The following DMD variants were observed in gnomAD, a reference collection of about 807,000 sequenced individuals.
DMD encodes dystrophin, also known as mutant dystrophin.
In DMD, 63 loss-of-function variants were observed where a neutral mutation model predicts 330.1. The observed-to-expected ratio is 0.19, with a 90% CI of 0.16 to 0.24. DMD has a LOEUF of 0.24. Among genes scored for constraint, DMD ranks in the 10% least tolerant of loss-of-function variants. The probability of loss-of-function intolerance (pLI) is 1.00; values close to 1 mark genes in which losing one functional copy is unlikely to be tolerated. For synonymous variants in DMD, 1,223 were observed against 959.8 expected, an observed-to-expected ratio of 1.27 and a Z score of -5.07; for missense variants, 3,344 against 2,684.1, an observed-to-expected ratio of 1.25 and a Z score of -5.43.
chrX:33,036,864 G>A (rs2094213220), intron 1 of DMD, among the ~76,000 whole-genome samples: 1 of 110,078 alleles, frequency 9.1e-6, no homozygotes, highest in Non-Finnish European at 1.9e-5. Flanking sequence ...TGTATTTAAA[G>A]AATTTAGACT....
At chrX:32,706,819 G>A (rs965083626) in intron 7 of DMD, among the ~76,000 whole-genome samples, 39 of 111,781 alleles carry the variant, frequency 3.5e-4, no homozygotes, top group African/African-American at 1.3e-3. Flanking sequence ...GGCTGGGCAT[G>A]GTGGCTCATG....
At position 32,823,325 on chromosome X, in the gene DMD, A is replaced by T; in HGVS notation, c.327T>A (p.Gly109=). 1 of 1,209,585 alleles carries T rather than the reference A, an allele frequency of 8.3e-7. No individual in the cohort carries two copies. Among genetic ancestry groups the T allele is most frequent in the Non-Finnish European group, 1.1e-6 (1 of 893,713 alleles). ...AGTGGAGGATTATATTCCAAATCAA[A>T]CCAAGAGTCAGTTTATGATTTCCAT... The part of the protein sequence containing the change: ...IVDGNHKLTL[G]LIWNIILHWQ... The change falls in exon 5 of 79, where the codon GGT becomes GGA. Residue 109 remains glycine (G), a synonymous_variant. Transcript: ENST00000357033.
At chrX:32,832,529 G>A (rs2079236346) in intron 4 of DMD, among the ~76,000 whole-genome samples, 1 of 110,528 alleles carries the variant, frequency 9.0e-6, no homozygotes, top group Non-Finnish European at 1.9e-5. Flanking sequence ...CATGTTAAAT[G>A]TCTTTTATAA....
Position 32,636,995 on chromosome X carries a change from C to CA in DMD, c.1331+7136dup, listed in dbSNP as rs374402951. 8.0e-3 allele frequency among the ~76,000 whole-genome samples: 764 copies of CA among 95,706 alleles called. 6 individuals carry two copies. Among genetic ancestry groups the CA allele is most frequent in the African/African-American group, 0.022 (573 of 25,956 alleles). The allele number at this position is 95,706 out of a possible 115,157, so 83.1% of individuals were successfully genotyped here. ...CCTGGGAGACAGGGAGACTCTGTCTCAAAAAAAAAAGAAAAAGAAAAAGAA... is the reference window on the plus strand; with the variant it reads ...CCTGGGAGACAGGGAGACTCTGTCTCAAAAAAAAAAAGAAAAAGAAAAAGAA... On this transcript the variant is annotated intron_variant, in intron 11 of 78. Transcript: ENST00000357033.
intron 59 of DMD, among the ~76,000 whole-genome samples, chrX:31,476,416 TATATACACAC>T (rs2067778694): frequency 2.0e-5 from 2 of 98,789 alleles, no homozygotes; most frequent in African/African-American, 7.5e-5. Flanking sequence ...TATATATATA[TATATACACAC>T]ACACACACAC....
intron 52 of DMD, among the ~76,000 whole-genome samples, chrX:31,691,988 C>T (rs1433702794): frequency 8.9e-6 from 1 of 111,734 alleles, no homozygotes; most frequent in Admixed American, 9.5e-5. Context: ...TTCTCAAGTA[C>T]ACATGTAACA....
At chrX:31,220,232 C>G (rs2045862193) in intron 64 of DMD, among the ~76,000 whole-genome samples, 3 of 111,590 alleles carry the variant, frequency 2.7e-5, no homozygotes, top group African/African-American at 9.8e-5. Flanking sequence ...CCATTAACTC[C>G]TCAGCCCCCT....
chrX:31,359,891 T>G (rs1388153627), intron 60 of DMD, among the ~76,000 whole-genome samples: 3 of 112,262 alleles, frequency 2.7e-5, no homozygotes, highest in Non-Finnish European at 3.8e-5. Context: ...CTCATTTTTC[T>G]GATAACTGCA....
intron 1 of DMD, among the ~76,000 whole-genome samples, chrX:33,049,953 T>C (rs1362937043): frequency 8.9e-6 from 1 of 111,832 alleles, no homozygotes; most frequent in African/African-American, 3.2e-5. Context: ...TATTCGTCTT[T>C]AGAATATTCC....
chrX:31,448,623 C>CTTTTTGCACCTGA (rs1178678527), intron 59 of DMD, among the ~76,000 whole-genome samples: 3 of 112,309 alleles, frequency 2.7e-5, no homozygotes, highest in Admixed American at 1.9e-4. Flanking sequence ...ATACGAGGTG[C>CTTTTTGCACCTGA]TATTTAAGTG....
At chrX:31,699,905 C>T (rs921041393) in intron 52 of DMD, among the ~76,000 whole-genome samples, 4 of 111,232 alleles carry the variant, frequency 3.6e-5, no homozygotes, top group Admixed American at 1.9e-4. Context: ...AATGTTCTCT[C>T]GGCTGGGCAC....
chrX:32,003,311 G>T (rs1210626166), intron 44 of DMD, among the ~76,000 whole-genome samples: 1 of 111,716 alleles, frequency 9.0e-6, no homozygotes, highest in Non-Finnish European at 1.9e-5. Context: ...AGCAATTTTA[G>T]CACCCTAGGC....
intron 44 of DMD, among the ~76,000 whole-genome samples, chrX:31,988,724 A>G (rs1366837016): frequency 9.1e-6 from 1 of 110,221 alleles, no homozygotes; most frequent in Non-Finnish European, 1.9e-5. Context: ...AACCAGTGAT[A>G]TTTAGAGAAA....
intron 4 of DMD, among the ~76,000 whole-genome samples, chrX:32,836,648 C>CA (rs1217609319): frequency 9.0e-6 from 1 of 111,429 alleles, no homozygotes; most frequent in Non-Finnish European, 1.9e-5. Context: ...GACAAAAATT[C>CA]AAACTCTCAG....
At chrX:32,326,280 C>A (rs2097650173) in intron 41 of DMD, among the ~76,000 whole-genome samples, 1 of 111,821 alleles carries the variant, frequency 8.9e-6, no homozygotes, top group African/African-American at 3.2e-5. Flanking sequence ...AAAAAGCAGG[C>A]AGTTAAAAAA....
chrX:32,608,192 A>G (rs887414257), intron 12 of DMD, among the ~76,000 whole-genome samples: 1 of 109,884 alleles, frequency 9.1e-6, no homozygotes, highest in African/African-American at 3.3e-5. Flanking sequence ...ATGGGCATGG[A>G]TTTTATATTA....
chrX:32,913,493 C>T (rs1367561441), intron 2 of DMD, among the ~76,000 whole-genome samples: 1 of 111,956 alleles, frequency 8.9e-6, no homozygotes, highest in Non-Finnish European at 1.9e-5. Context: ...CCACATGATA[C>T]CAGGTATGAA....
intron 15 of DMD, among the ~76,000 whole-genome samples, chrX:32,572,055 T>A (rs1462385512): frequency 1.8e-5 from 2 of 112,032 alleles, no homozygotes; most frequent in Non-Finnish European, 3.8e-5. Flanking sequence ...TGCACTCGTG[T>A]TTTCAAACAT....
At chrX:32,112,524 C>A (rs772154970) in intron 44 of DMD, among the ~76,000 whole-genome samples, 1 of 110,824 alleles carries the variant, frequency 9.0e-6, no homozygotes, top group East Asian at 2.9e-4. Context: ...CACTTGGAGA[C>A]GAATAGATTA....
Sources: gnomAD v4.1 joint callset for allele counts (sites outside exome capture counted in the v4.1 genomes callset) on GRCh38, gnomAD v4.1.1 for gene constraint, MANE v1.5 for transcripts, NCBI Gene and HGNC (gene_info 2026-07-23, HGNC 2026-07-21) for gene names.